Variants in SMAP1 observed in about 807,000 individuals in gnomAD.
SMAP1 encodes small ArfGAP 1.
SMAP1 carries 24 observed loss-of-function variants against 58.5 expected under a neutral mutation model. That is an observed-to-expected ratio of 0.41 (90% confidence interval 0.30 to 0.58). SMAP1 has a LOEUF of 0.58. Among genes scored for constraint, SMAP1 ranks in the 20% least tolerant of loss-of-function variants. The pLI is 0.29. For missense variants in SMAP1, 563 were observed against 566.3 expected (o/e 0.99, Z 0.06); for synonymous variants, 216 against 196.6 (o/e 1.10, Z -0.82).
chr6:70,701,734 G>A (rs908147598), intron 1 of SMAP1, among the ~76,000 whole-genome samples: 1 of 152,168 alleles, frequency 6.6e-6, no homozygotes, highest in Non-Finnish European at 1.5e-5. Context: ...TGTCCAGGGG[G>A]TTGAGGAGGG....
At chr6:70,813,515 ATAT>A (rs1230631337) in intron 6 of SMAP1, among the ~76,000 whole-genome samples, 1 of 152,154 alleles carries the variant, frequency 6.6e-6, no homozygotes, top group African/African-American at 2.4e-5. Context: ...TAAGGGTTTA[ATAT>A]TATGTTTTCA....
intron 3 of SMAP1, among the ~76,000 whole-genome samples, chr6:70,759,289 C>T (rs549351663): frequency 1.2e-4 from 18 of 152,188 alleles, no homozygotes; most frequent in African/African-American, 4.1e-4. Context: ...CCCCCACTCA[C>T]TAGGCTGAGT....
At chr6:70,751,318 A>C (rs939353218) in intron 2 of SMAP1, among the ~76,000 whole-genome samples, 1 of 152,190 alleles carries the variant, frequency 6.6e-6, no homozygotes, top group Non-Finnish European at 1.5e-5. Context: ...ATATGTTAAT[A>C]TATTTTTCTT....
Position 70,856,967 on chromosome 6 carries a change from CT to C in SMAP1, c.901del (p.Ser301ProfsTer56). 6.2e-7 allele frequency: 1 copy of C among 1,613,984 alleles called. No homozygotes were observed. The highest frequency in any genetic ancestry group is 8.5e-7 in the Non-Finnish European group (1 of 1,179,892). On this transcript the variant is annotated frameshift_variant, in exon 9 of 11. Coordinates refer to ENST00000370455, the MANE Select transcript of SMAP1 (RefSeq NM_001044305.3). LOFTEE classifies it high-confidence loss of function. ...ATCAGAAGAAGTGGCAAAGAAACAA[CT>C]TTCCAAAGACTCCATCTTATCTCTG... ...TKSEEVAKKQ[L>X]SKDSILSLYG...
At chr6:70,808,173 A>G (rs1164316770) in intron 6 of SMAP1, among the ~76,000 whole-genome samples, 2 of 152,190 alleles carry the variant, frequency 1.3e-5, no homozygotes, top group Non-Finnish European at 2.9e-5. Context: ...GAGGTGGAAG[A>G]AAATCCACAT....
intron 2 of SMAP1, among the ~76,000 whole-genome samples, chr6:70,742,885 C>T (rs1765874921): frequency 6.6e-6 from 1 of 152,152 alleles, no homozygotes; most frequent in African/African-American, 2.4e-5. Context: ...GAGGTTTCCT[C>T]TTATAAAACC....
intron 1 of SMAP1, among the ~76,000 whole-genome samples, chr6:70,687,543 A>G (rs1766984314): frequency 6.6e-6 from 1 of 152,024 alleles, no homozygotes; most frequent in East Asian, 1.9e-4. Flanking sequence ...TTTTGCCGCC[A>G]TTTAGTTGAG....
At chr6:70,806,478 G>A (rs539847490) in intron 6 of SMAP1, among the ~76,000 whole-genome samples, 45 of 152,250 alleles carry the variant, frequency 3.0e-4, no homozygotes, top group African/African-American at 9.1e-4. Flanking sequence ...GTGATGCCCC[G>A]CCCTCCTTCA....
At chr6:70,787,172 C>G (rs1582185362) in intron 4 of SMAP1, among the ~76,000 whole-genome samples, 1 of 152,306 alleles carries the variant, frequency 6.6e-6, no homozygotes, top group East Asian at 1.9e-4. Context: ...TGATCTTTGA[C>G]AAACCTGACA....
intron 6 of SMAP1, among the ~76,000 whole-genome samples, chr6:70,805,125 T>C (rs1223941391): frequency 6.6e-6 from 1 of 152,196 alleles, no homozygotes; most frequent in Non-Finnish European, 1.5e-5. Context: ...TCCCCATCAC[T>C]TTCAGGTACA....
At chr6:70,823,680 C>T (rs1769990924) in intron 6 of SMAP1, among the ~76,000 whole-genome samples, 2 of 152,152 alleles carry the variant, frequency 1.3e-5, no homozygotes, top group Admixed American at 1.3e-4. Flanking sequence ...ATATAGATTA[C>T]TTATAATACA....
chr6:70,730,642 A>T (rs1257852629), intron 1 of SMAP1, among the ~76,000 whole-genome samples: 1 of 152,162 alleles, frequency 6.6e-6, no homozygotes, highest in Non-Finnish European at 1.5e-5. Flanking sequence ...GCATGTGCAT[A>T]ATCTTCCTCC....
intron 1 of SMAP1, among the ~76,000 whole-genome samples, chr6:70,689,417 C>A (rs1455141761): frequency 1.3e-5 from 2 of 152,174 alleles, no homozygotes; most frequent in African/African-American, 4.8e-5. Context: ...TATTATGTTC[C>A]ATTGATCTGT....
At chr6:70,729,015 CCT>C (rs1454253322) in intron 1 of SMAP1, among the ~76,000 whole-genome samples, 2 of 151,194 alleles carry the variant, frequency 1.3e-5, no homozygotes, top group African/African-American at 2.4e-5. Context: ...TTTTTTTTTC[CCT>C]GTTTTTGAAA....
At chr6:70,773,284 G>A in intron 3 of SMAP1, 66 bp from the exon 4 acceptor site, 1 of 917,612 alleles carries the variant, frequency 1.1e-6, no homozygotes, top group African/African-American at 1.7e-5. Context: ...TTTGTGGAGT[G>A]GCGTGAATAA....
intron 1 of SMAP1, 100 bp downstream of exon 1, chr6:70,668,241 G>T: frequency 1.1e-5 from 12 of 1,126,368 alleles, no homozygotes; most frequent in Non-Finnish European, 1.5e-5. Flanking sequence ...CCTCGGCTTC[G>T]CTGGCCGGCT....
chr6:70,825,029 AT>A (rs1770054501), intron 6 of SMAP1, among the ~76,000 whole-genome samples: 1 of 152,266 alleles, frequency 6.6e-6, no homozygotes, highest in Admixed American at 6.5e-5. Context: ...TAATATACTT[AT>A]CTTGTATTCA....
At chr6:70,748,061 A>G (rs1202851821) in intron 2 of SMAP1, among the ~76,000 whole-genome samples, 1 of 152,188 alleles carries the variant, frequency 6.6e-6, no homozygotes, top group Non-Finnish European at 1.5e-5. Flanking sequence ...CCTGAGACCA[A>G]AAACGGTGGC....
intron 1 of SMAP1, among the ~76,000 whole-genome samples, chr6:70,727,585 G>GTTTA (rs1406095364): frequency 3.9e-5 from 6 of 152,286 alleles, no homozygotes; most frequent in Admixed American, 3.3e-4. Flanking sequence ...TGTCATCTTC[G>GTTTA]TTTAATACTT....
Sources: allele counts gnomAD v4.1 joint callset (sites outside exome capture counted in the v4.1 genomes callset), GRCh38; gene constraint gnomAD v4.1.1; transcripts MANE v1.5; gene names NCBI Gene and HGNC (gene_info 2026-07-23, HGNC 2026-07-21).